Variants in PARG observed in about 807,000 individuals in gnomAD.
PARG encodes poly(ADP-ribose) glycohydrolase.
In PARG, 35 loss-of-function variants were observed where a neutral mutation model predicts 113.0. The ratio of observed to expected loss-of-function variants is 0.31; its 90% CI spans 0.24 to 0.41. The LOEUF is 0.41. Ranked by LOEUF, PARG falls within the 10% of genes least tolerant of loss-of-function variation. The pLI is 1.00. For missense variants in PARG, 797 were observed against 1,169.4 expected (o/e 0.68, Z 4.64); for synonymous variants, 330 against 409.9 (o/e 0.81, Z 2.36).
intron 16 of PARG, among the ~76,000 whole-genome samples, chr10:49,822,389 A>G (rs898223058): frequency 2.0e-5 from 3 of 152,176 alleles, no homozygotes; most frequent in Admixed American, 2.0e-4. Context: ...TTTCTCAAGA[A>G]GTGCTTAATG....
At chr10:49,831,571 A>G (rs1554830265) in intron 16 of PARG, among the ~76,000 whole-genome samples, 1 of 152,176 alleles carries the variant, frequency 6.6e-6, no homozygotes, top group East Asian at 1.9e-4. Context: ...ACCGAGCTCA[A>G]TCATGTGGCC....
At position 49,844,465 on chromosome 10, in the gene PARG, A is replaced by G. The variant is rs1465819281; in HGVS notation, c.2354-833T>C. On this transcript the variant is annotated intron_variant, in intron 13 of 17. Coordinates refer to ENST00000616448, the MANE Select transcript of PARG (RefSeq NM_003631.5). ...TGGTGAAGCTCCGTCTCTAATAAAA[A>G]TACAAAAATTAGCTGGGCATTGTGG... Among the ~76,000 whole-genome samples the G allele has an allele frequency of 2.0e-5, 3 of 151,966 alleles. No individual in the cohort carries two copies. The East Asian group carries it at 5.8e-4, about 29-fold the overall frequency.
At chr10:49,906,980 T>C (rs1359107271) in intron 7 of PARG, among the ~76,000 whole-genome samples, 2 of 151,926 alleles carry the variant, frequency 1.3e-5, no homozygotes, top group Non-Finnish European at 2.9e-5. Context: ...ATATGGTTAC[T>C]TAAGGCAGTG....
chr10:49,844,153 AAAAAG>A (rs1162114474), intron 13 of PARG, among the ~76,000 whole-genome samples: 2 of 152,138 alleles, frequency 1.3e-5, no homozygotes, highest in African/African-American at 2.4e-5. Context: ...TCAAAAGAAA[AAAAAG>A]AAAAGAAAAG....
chr10:49,837,213 A>G (rs1402625797), intron 15 of PARG, among the ~76,000 whole-genome samples: 1 of 152,150 alleles, frequency 6.6e-6, no homozygotes, highest in Non-Finnish European at 1.5e-5. Flanking sequence ...AGGCCTGGAA[A>G]GCACTTTGTA....
intron 7 of PARG, among the ~76,000 whole-genome samples, chr10:49,913,894 C>T (rs575103881): frequency 1.3e-5 from 2 of 152,044 alleles, no homozygotes; most frequent in African/African-American, 4.8e-5. Context: ...CAGAGTGAGA[C>T]TCCATTTCAT....
chr10:49,890,809 C>T (rs777804602), intron 7 of PARG, among the ~76,000 whole-genome samples: 1 of 152,142 alleles, frequency 6.6e-6, no homozygotes, highest in Non-Finnish European at 1.5e-5. Context: ...TAACTACATA[C>T]ATCTGTTAAA....
intron 15 of PARG, among the ~76,000 whole-genome samples, chr10:49,835,455 AC>A (rs1263922148): frequency 2.6e-5 from 4 of 152,158 alleles, no homozygotes; most frequent in Admixed American, 1.3e-4. Context: ...CCAATGAACA[AC>A]CCTCTCTTGG....
In PARG at chr10:49,922,555, C is replaced by G. The variant is rs1554849598; in HGVS notation, c.1570G>C (p.Glu524Gln). ...PCSEQNLYPV[E>Q]DENGERTAGS... ...CTCGGTTTTGTTCTTACCTCATCTT[C>G]CACTGGGTACAAATTTTGTTCTGAA... The change falls in exon 5 of 18, where the codon GAA (glutamate) becomes CAA (glutamine). Residue 524 changes from glutamate to glutamine, a missense_variant. Around this residue, in one of 5 missense-constraint regions of PARG, gnomAD observed 252 missense variants for 437.4 expected, o/e 0.58. Coordinates refer to ENST00000616448, the MANE Select transcript of PARG (RefSeq NM_003631.5). The G allele has an allele frequency of 2.5e-6, 4 of 1,611,324 alleles. No homozygotes were observed. Among genetic ancestry groups the G allele is most frequent in the Non-Finnish European group, 2.5e-6 (3 of 1,179,594 alleles).
At chr10:49,838,193 G>C (rs1033759769) in intron 15 of PARG, among the ~76,000 whole-genome samples, 2 of 152,210 alleles carry the variant, frequency 1.3e-5, no homozygotes, top group South Asian at 4.1e-4. Context: ...CACTTTGGGA[G>C]GCCGAAGCGT....
At chr10:49,831,189 T>C (rs1463424608) in intron 16 of PARG, among the ~76,000 whole-genome samples, 2 of 152,122 alleles carry the variant, frequency 1.3e-5, no homozygotes, top group African/African-American at 2.4e-5. Context: ...CAGTGAATTC[T>C]AGTGATTTTT....
intron 1 of PARG, among the ~76,000 whole-genome samples, chr10:49,937,705 G>A (rs1422111119): frequency 6.6e-6 from 1 of 152,024 alleles, no homozygotes; most frequent in Non-Finnish European, 1.5e-5. Flanking sequence ...TTCCAGTGAT[G>A]GCAAAGAAGA....
intron 7 of PARG, among the ~76,000 whole-genome samples, chr10:49,888,275 G>C (rs1473070085): frequency 6.6e-6 from 1 of 150,882 alleles, no homozygotes; most frequent in African/African-American, 2.4e-5. Flanking sequence ...ACTCAAAAAA[G>C]TTTTTAAAAA....
At chr10:49,819,765 G>A (rs1843978038) in intron 17 of PARG, among the ~76,000 whole-genome samples, 1 of 152,106 alleles carries the variant, frequency 6.6e-6, no homozygotes, top group South Asian at 2.1e-4. Flanking sequence ...CACTGTCATG[G>A]CAGCCCTCGT....
At chr10:49,911,355 A>G (rs571932372) in intron 7 of PARG, among the ~76,000 whole-genome samples, 1 of 152,306 alleles carries the variant, frequency 6.6e-6, no homozygotes, top group Non-Finnish European at 1.5e-5. Flanking sequence ...TATAACATAT[A>G]GAACATTTTG....
chr10:49,860,764 TAAG>T (rs1196733877), intron 12 of PARG, among the ~76,000 whole-genome samples: 4 of 149,862 alleles, frequency 2.7e-5, no homozygotes, highest in African/African-American at 9.7e-5. Flanking sequence ...AATAAGAATC[TAAG>T]AAGAAAAATA....
At chr10:49,927,320 A>AAGAC (rs1276103454) in intron 4 of PARG, among the ~76,000 whole-genome samples, 1 of 146,114 alleles carries the variant, frequency 6.8e-6, no homozygotes, top group Non-Finnish European at 1.5e-5. Flanking sequence ...GAAAGAAAGA[A>AAGAC]AGAAAGAAGG....
At position 49,818,668 on chromosome 10, in the gene PARG, A is replaced by G. The variant is rs1014809714; in HGVS notation, c.*672T>C. 1 of 152,282 alleles carries G rather than the reference A, an allele frequency of 6.6e-6. No homozygotes were observed. Among genetic ancestry groups the G allele is most frequent in the East Asian group, 1.9e-4 (1 of 5,204 alleles). 9.4% of individuals were successfully genotyped at this position (152,282 alleles called of 1,614,324 possible). Reference sequence around the variant, plus strand: ...TTTCCTTTCATCTCAGCCAGTCTCCAAAACTGGTATAAAAAAATACTGATC... The same window carrying G: ...TTTCCTTTCATCTCAGCCAGTCTCCGAAACTGGTATAAAAAAATACTGATC... On this transcript the variant is annotated 3_prime_UTR_variant, in exon 18 of 18. Coordinates refer to ENST00000616448, the MANE Select transcript of PARG (RefSeq NM_003631.5).
chr10:49,895,854 G>A (rs1200372564), intron 7 of PARG, among the ~76,000 whole-genome samples: 1 of 152,038 alleles, frequency 6.6e-6, no homozygotes, highest in Admixed American at 6.5e-5. Context: ...TTATTTCTAA[G>A]TATTTTATGG....
Sources: allele counts gnomAD v4.1 joint callset (sites outside exome capture counted in the v4.1 genomes callset), GRCh38; gene constraint gnomAD v4.1.1; regional missense constraint gnomAD v4.1.1; transcripts MANE v1.5; gene names NCBI Gene and HGNC (gene_info 2026-07-23, HGNC 2026-07-21).